The following GPC5 variants were observed in gnomAD, a reference collection of about 807,000 sequenced individuals.
The protein encoded by GPC5 is glypican 5.
A neutral mutation model predicts 53.9 loss-of-function variants in GPC5; 47 were observed. The observed-to-expected ratio is 0.87, with a 90% CI of 0.69 to 1.11. GPC5 has a LOEUF of 1.11. Among genes scored for constraint, GPC5 ranks in the 50% most tolerant of loss-of-function variants. The pLI is 0.00. For missense variants in GPC5, 748 were observed against 713.1 expected, an observed-to-expected ratio of 1.05 and a Z score of -0.56; for synonymous variants, 286 against 263.3, an observed-to-expected ratio of 1.09 and a Z score of -0.84.
At chr13:92,633,368 CAA>C (rs35244755) in intron 7 of GPC5, among the ~76,000 whole-genome samples, 53 of 149,278 alleles carry the variant, frequency 3.6e-4, no homozygotes, top group East Asian at 3.3e-3. Context: ...TTATCTGAGT[CAA>C]AAAAAAAAGA....
At chr13:91,967,336 C>G (rs145994975) in intron 6 of GPC5, among the ~76,000 whole-genome samples, 65 of 152,212 alleles carry the variant, frequency 4.3e-4, no homozygotes, top group African/African-American at 1.5e-3. Context: ...GGTGGTGACA[C>G]AGTTAAACCA....
intron 5 of GPC5, among the ~76,000 whole-genome samples, chr13:91,857,562 A>C (rs1349510406): frequency 6.6e-6 from 1 of 150,412 alleles, no homozygotes; most frequent in African/African-American, 2.4e-5. Flanking sequence ...TTGTCTGTAC[A>C]TAAAGATTTC....
chr13:91,783,977 T>G (rs1594560349), intron 5 of GPC5, among the ~76,000 whole-genome samples: 1 of 152,226 alleles, frequency 6.6e-6, no homozygotes, highest in East Asian at 1.9e-4. Flanking sequence ...TGTATTTAGA[T>G]AACATCTTCC....
At chr13:92,707,352 C>T (rs1887987703) in intron 7 of GPC5, among the ~76,000 whole-genome samples, 1 of 152,104 alleles carries the variant, frequency 6.6e-6, no homozygotes, top group African/African-American at 2.4e-5. Context: ...AAGAAATGCA[C>T]CCTGACTGTC....
At chr13:92,110,380 T>A (rs1256536834) in intron 6 of GPC5, among the ~76,000 whole-genome samples, 1 of 152,218 alleles carries the variant, frequency 6.6e-6, no homozygotes, top group Non-Finnish European at 1.5e-5. Flanking sequence ...AAAATCAGAC[T>A]GATCATGTTT....
At chr13:92,023,084 G>A (rs1428803644) in intron 6 of GPC5, among the ~76,000 whole-genome samples, 3 of 151,982 alleles carry the variant, frequency 2.0e-5, no homozygotes, top group Admixed American at 6.6e-5. Flanking sequence ...ATACCTAACA[G>A]CATCTCAGAA....
chr13:92,116,849 T>C (rs1305743928), intron 6 of GPC5, among the ~76,000 whole-genome samples: 1 of 152,268 alleles, frequency 6.6e-6, no homozygotes, highest in African/African-American at 2.4e-5. Flanking sequence ...CAATATTTTG[T>C]AATTGAAATA....
At chr13:92,335,475 A>G (rs1393820370) in intron 7 of GPC5, among the ~76,000 whole-genome samples, 1 of 152,128 alleles carries the variant, frequency 6.6e-6, no homozygotes, top group Non-Finnish European at 1.5e-5. Context: ...TGGCCTGCAG[A>G]CATTTTCTCC....
intron 7 of GPC5, among the ~76,000 whole-genome samples, chr13:92,227,586 A>C (rs1418302984): frequency 6.6e-6 from 1 of 152,208 alleles, no homozygotes; most frequent in East Asian, 1.9e-4. Context: ...TTATCAAAAG[A>C]GACAGAAAAA....
chr13:91,482,785 G>A (rs1296952983), intron 2 of GPC5, among the ~76,000 whole-genome samples: 1 of 151,972 alleles, frequency 6.6e-6, no homozygotes, highest in Admixed American at 6.6e-5. Flanking sequence ...GCGGTGGTCT[G>A]AAGGAAGGGC....
chr13:92,059,718 T>G (rs2138850786), intron 6 of GPC5: 1 of 152,122 alleles, frequency 6.6e-6, no homozygotes, highest in African/African-American at 2.4e-5. Flanking sequence ...TTTAGAAAAC[T>G]TCATCCTAAT....
chr13:92,002,343 C>A (rs796134331), intron 6 of GPC5, among the ~76,000 whole-genome samples: 44 of 152,264 alleles, frequency 2.9e-4, no homozygotes, highest in African/African-American at 1.0e-3. Context: ...CACCTAGACT[C>A]CCAAGCAGAA....
intron 7 of GPC5, among the ~76,000 whole-genome samples, chr13:92,205,877 G>T (rs973171812): frequency 6.6e-6 from 1 of 151,634 alleles, no homozygotes; most frequent in African/African-American, 2.4e-5. Flanking sequence ...CGAAAGCCCC[G>T]CTCTACTAAA....
At chr13:92,330,553 T>C (rs968336474) in intron 7 of GPC5, among the ~76,000 whole-genome samples, 6 of 152,162 alleles carry the variant, frequency 3.9e-5, no homozygotes, top group African/African-American at 1.4e-4. Context: ...TTCTTAGCAT[T>C]GTTTCCCTGA....
At chr13:91,964,000 G>A (rs1232703188) in intron 6 of GPC5, among the ~76,000 whole-genome samples, 1 of 152,144 alleles carries the variant, frequency 6.6e-6, no homozygotes, top group African/African-American at 2.4e-5. Flanking sequence ...TTTTGTGTTT[G>A]GAATTGGTGG....
chr13:92,609,965 A>G (rs1884377088), intron 7 of GPC5, among the ~76,000 whole-genome samples: 1 of 145,452 alleles, frequency 6.9e-6, no homozygotes, highest in African/African-American at 2.5e-5. Context: ...TGTGAGGTGG[A>G]CATTGTGGTG....
chr13:91,639,834 A>T (rs2034378480), intron 2 of GPC5, among the ~76,000 whole-genome samples: 1 of 152,210 alleles, frequency 6.6e-6, no homozygotes, highest in African/African-American at 2.4e-5. Flanking sequence ...TCTTGATACA[A>T]CCCTGAAAAG....
chr13:92,602,980 C>T (rs560575294), intron 7 of GPC5, among the ~76,000 whole-genome samples: 4 of 152,210 alleles, frequency 2.6e-5, no homozygotes, highest in Admixed American at 6.5e-5. Context: ...TTGATTCCTC[C>T]GGTAAGTTGG....
At chr13:92,122,304 T>C (rs1256389796) in intron 6 of GPC5, among the ~76,000 whole-genome samples, 1 of 151,044 alleles carries the variant, frequency 6.6e-6, no homozygotes, top group Admixed American at 6.6e-5. Context: ...TTTTTTAATC[T>C]GCTGGCCCTT....
Sources: gnomAD v4.1 joint callset for allele counts (sites outside exome capture counted in the v4.1 genomes callset) on GRCh38, gnomAD v4.1.1 for gene constraint, MANE v1.5 for transcripts, NCBI Gene and HGNC (gene_info 2026-07-23, HGNC 2026-07-21) for gene names.